Variants in BASP1 observed in about 807,000 individuals in gnomAD.
The protein encoded by BASP1 is brain abundant membrane attached signal protein 1.
In BASP1, 1 loss-of-function variant was observed where a neutral mutation model predicts 2.2. The ratio of observed to expected loss-of-function variants is 0.46; its 90% confidence interval spans 0.16 to 2.17. BASP1 has a LOEUF of 2.17. Ranked by LOEUF, BASP1 falls within the 30% of genes most tolerant of loss-of-function variation. BASP1 has a pLI of 0.27. For synonymous variants in BASP1, 187 were observed against 154.2 expected, an observed-to-expected ratio of 1.21 and a Z score of -1.58; for missense variants, 352 against 327.2, an observed-to-expected ratio of 1.08 and a Z score of -0.58.
intron 1 of BASP1, among the ~76,000 whole-genome samples, chr5:17,238,299 TG>T (rs751972139): frequency 6.6e-6 from 1 of 152,144 alleles, no homozygotes; most frequent in Non-Finnish European, 1.5e-5. Context: ...GCTGGCTATC[TG>T]AGTTTTTTTT....
intron 1 of BASP1, among the ~76,000 whole-genome samples, chr5:17,268,399 GAA>G (rs922544914): frequency 6.6e-6 from 1 of 152,184 alleles, no homozygotes; most frequent in African/African-American, 2.4e-5. Flanking sequence ...TGTAAGGTAA[GAA>G]AAAATGTAAG....
chr5:17,217,101 T>TGAGAGAGTGAGAGAGAGAGAGAGTGAGA (rs1739264156), upstream of BASP1: 1 of 74,678 alleles, frequency 1.3e-5, no homozygotes, highest in African/African-American at 5.7e-5. Flanking sequence ...AGAGAGTGAG[T>TGAGAGAGTGAGAGAGAGAGAGAGTGAGA]GAGAGAGTGA....
intron 1 of BASP1, among the ~76,000 whole-genome samples, chr5:17,245,978 A>G (rs1336093242): frequency 1.3e-5 from 2 of 152,182 alleles, no homozygotes; most frequent in East Asian, 3.8e-4. Context: ...ATAGAGAAAA[A>G]AAAATCAAGA....
chr5:17,219,858 G>T (rs1579477150), intron 1 of BASP1, among the ~76,000 whole-genome samples: 1 of 152,316 alleles, frequency 6.6e-6, no homozygotes, highest in East Asian at 1.9e-4. Context: ...GGGGCAGAAA[G>T]AAGGCAGTCG....
intron 1 of BASP1, among the ~76,000 whole-genome samples, chr5:17,223,688 C>T (rs1739435128): frequency 6.6e-6 from 1 of 152,142 alleles, no homozygotes; most frequent in Non-Finnish European, 1.5e-5. Flanking sequence ...GACAGGATTA[C>T]TGCTTTGATA....
At chr5:17,246,137 G>A (rs533123414) in intron 1 of BASP1, among the ~76,000 whole-genome samples, 1 of 152,200 alleles carries the variant, frequency 6.6e-6, no homozygotes, top group Admixed American at 6.5e-5. Context: ...GATGGGCTTG[G>A]CCTCTTTAAA....
At chr5:17,272,071 GAA>G (rs778258451) in intron 1 of BASP1, among the ~76,000 whole-genome samples, 10 of 60,222 alleles carry the variant, frequency 1.7e-4, no homozygotes, top group East Asian at 5.5e-4. Context: ...TGCATTTCAA[GAA>G]AAAAAAAAAA....
At chr5:17,231,913 C>T (rs1739639428) in intron 1 of BASP1, among the ~76,000 whole-genome samples, 1 of 152,206 alleles carries the variant, frequency 6.6e-6, no homozygotes, top group South Asian at 2.1e-4. Flanking sequence ...TCATGGAGAG[C>T]ACGTGTCTTC....
chr5:17,255,415 A>T (rs1159085872), intron 1 of BASP1, among the ~76,000 whole-genome samples: 2 of 152,192 alleles, frequency 1.3e-5, no homozygotes, highest in East Asian at 1.9e-4. Context: ...TTCCCATTAA[A>T]ACAGACTCAT....
chr5:17,247,677 A>C (rs766321437), intron 1 of BASP1, among the ~76,000 whole-genome samples: 2 of 152,222 alleles, frequency 1.3e-5, no homozygotes, highest in Non-Finnish European at 2.9e-5. Flanking sequence ...CTTTCAGGAC[A>C]TAACCTCTCA....
chr5:17,246,591 G>C (rs1003456616), intron 1 of BASP1, among the ~76,000 whole-genome samples: 1 of 145,456 alleles, frequency 6.9e-6, no homozygotes, highest in African/African-American at 2.4e-5. Flanking sequence ...CTCATGATTA[G>C]AGGAATGAAT....
intron 1 of BASP1, among the ~76,000 whole-genome samples, chr5:17,266,002 G>A (rs961784454): frequency 6.6e-6 from 1 of 152,192 alleles, no homozygotes; most frequent in Non-Finnish European, 1.5e-5. Flanking sequence ...CTGAAGAACA[G>A]GTCAGCTCAG....
At chr5:17,247,110 A>G (rs1288049527) in intron 1 of BASP1, among the ~76,000 whole-genome samples, 3 of 152,140 alleles carry the variant, frequency 2.0e-5, no homozygotes, top group African/African-American at 7.2e-5. Flanking sequence ...GCTTGTGTCC[A>G]GGAGGCAGAG....
At chr5:17,273,733 C>G (rs1458993494) in intron 1 of BASP1, among the ~76,000 whole-genome samples, 1 of 152,196 alleles carries the variant, frequency 6.6e-6, no homozygotes, top group Non-Finnish European at 1.5e-5. Context: ...GTGTACAGTT[C>G]TGCCAGTGGA....
At chr5:17,262,796 T>C (rs903931380) in intron 1 of BASP1, among the ~76,000 whole-genome samples, 3 of 152,140 alleles carry the variant, frequency 2.0e-5, no homozygotes, top group African/African-American at 4.8e-5. Context: ...CACTCACTTA[T>C]GTTCCCTGTC....
At chr5:17,250,057 C>T (rs1257789817) in intron 1 of BASP1, among the ~76,000 whole-genome samples, 1 of 152,128 alleles carries the variant, frequency 6.6e-6, no homozygotes, top group Non-Finnish European at 1.5e-5. Context: ...ATTCTCGTGC[C>T]TCAGCCTCTA....
At chr5:17,263,587 G>A (rs1740361948) in intron 1 of BASP1, among the ~76,000 whole-genome samples, 1 of 152,220 alleles carries the variant, frequency 6.6e-6, no homozygotes, top group African/African-American at 2.4e-5. Context: ...GCTTCATGAA[G>A]AATAATGGAG....
intron 1 of BASP1, among the ~76,000 whole-genome samples, chr5:17,253,641 G>T (rs551989591): frequency 6.6e-6 from 1 of 152,096 alleles, no homozygotes; most frequent in South Asian, 2.1e-4. Flanking sequence ...GATTAATCAT[G>T]GTCCTTCCCA....
rs887328095 is a variant in BASP1, at chr5:17,276,721, GA to G, written c.*825del. 3 of 110,088 alleles carry G rather than the reference GA, an allele frequency of 2.7e-5. No individual in the cohort carries two copies. Among genetic ancestry groups the G allele is most frequent in the African/African-American group, 1.1e-4 (3 of 26,378 alleles). The allele number at this position is 110,088 out of a possible 1,614,324, so 6.8% of individuals were successfully genotyped here. On this transcript the variant is annotated 3_prime_UTR_variant, in exon 2 of 2. Transcript: ENST00000322611. ...ACAGACACCAACACACCACTCATTGGAAAATGGAAAAAAAAAACAAAAAAAA... is the reference window on the plus strand; with the variant it reads ...ACAGACACCAACACACCACTCATTGGAAATGGAAAAAAAAAACAAAAAAAA...
Sources: gnomAD v4.1 joint callset for allele counts (sites outside exome capture counted in the v4.1 genomes callset) on GRCh38, gnomAD v4.1.1 for gene constraint, MANE v1.5 for transcripts, NCBI Gene and HGNC (gene_info 2026-07-23, HGNC 2026-07-21) for gene names.